The following PTPRN2 variants were observed in gnomAD, a reference collection of about 807,000 sequenced individuals.
The protein encoded by PTPRN2 is protein tyrosine phosphatase receptor type N2, also known as receptor-type tyrosine-protein phosphatase N2.
In PTPRN2, 74 loss-of-function variants were observed where a neutral mutation model predicts 118.8. That is an observed-to-expected ratio of 0.62 (90% CI 0.52 to 0.76). PTPRN2 has a LOEUF of 0.76. Among genes scored for constraint, PTPRN2 ranks in the 30% least tolerant of loss-of-function variants. PTPRN2 has a pLI of 0.00. For missense variants in PTPRN2, 1,481 were observed against 1,394.4 expected (o/e 1.06, Z -0.99); for synonymous variants, 641 against 608.0 (o/e 1.05, Z -0.80).
intron 6 of PTPRN2, among the ~76,000 whole-genome samples, chr7:158,145,366 T>A (rs576491221): frequency 9.2e-5 from 14 of 152,274 alleles, no homozygotes; most frequent in Admixed American, 7.8e-4. Flanking sequence ...AAGACTTCCC[T>A]CACATCATCG....
intron 12 of PTPRN2, among the ~76,000 whole-genome samples, chr7:157,829,227 T>C (rs970173388): frequency 6.6e-6 from 1 of 152,254 alleles, no homozygotes; most frequent in African/African-American, 2.4e-5. Flanking sequence ...TGAGGAGCTA[T>C]TTAAAGTCAA....
chr7:157,747,469 G>A (rs1457324131), intron 12 of PTPRN2, among the ~76,000 whole-genome samples: 1 of 119,488 alleles, frequency 8.4e-6, no homozygotes, highest in African/African-American at 3.6e-5. Flanking sequence ...TGAGCTGTGG[G>A]GTGTCCGCGT....
At chr7:158,444,260 G>A (rs1224082678) in intron 2 of PTPRN2, among the ~76,000 whole-genome samples, 2 of 152,264 alleles carry the variant, frequency 1.3e-5, no homozygotes, top group East Asian at 1.9e-4. Flanking sequence ...GAGAGGCCAG[G>A]CCACGCCAGT....
chr7:158,493,365 GCATA>G (rs1269443106), intron 1 of PTPRN2, among the ~76,000 whole-genome samples: 1 of 146,006 alleles, frequency 6.8e-6, no homozygotes, highest in Non-Finnish European at 1.5e-5. Flanking sequence ...ACACCTGCAT[GCATA>G]CACACATGCA....
intron 5 of PTPRN2, among the ~76,000 whole-genome samples, chr7:158,171,348 T>C (rs68128639): frequency 0.23 from 20,408 of 88,960 alleles, 2,975 homozygotes; most frequent in African/African-American, 0.31. Context: ...TATATATATA[T>C]ACACACACAC....
chr7:158,092,207 T>C (rs955180928), intron 10 of PTPRN2, among the ~76,000 whole-genome samples: 2 of 150,530 alleles, frequency 1.3e-5, no homozygotes, highest in Non-Finnish European at 3.0e-5. Context: ...TATGTGTGCA[T>C]ATATATATAT....
At chr7:158,314,685 C>CTA (rs1165889030) in intron 3 of PTPRN2, among the ~76,000 whole-genome samples, 2 of 152,292 alleles carry the variant, frequency 1.3e-5, no homozygotes, top group Non-Finnish European at 2.9e-5. Flanking sequence ...GCGTTTCTCT[C>CTA]AACCCGCAGT....
rs148611198 is a variant in PTPRN2, at chr7:157,585,916, G to A, written c.2497-7776C>T. On this transcript the variant is annotated intron_variant, in intron 17 of 22. Coordinates refer to ENST00000389418, the MANE Select transcript of PTPRN2 (RefSeq NM_002847.5). This position sits in a 1 kb window ranked among gnomAD's most constrained non-coding sequence, Gnocchi z 5.2. Reference sequence around the variant, plus strand: ...CCCATTTTAAATTCCGCATGTGTGCGGCGAGAGACTGACCGACCATCTTTG... The same window carrying A: ...CCCATTTTAAATTCCGCATGTGTGCAGCGAGAGACTGACCGACCATCTTTG... Among the ~76,000 whole-genome samples the A allele has an allele frequency of 8.1e-3, 1,227 of 152,296 alleles. 17 individuals carry two copies. The highest frequency in any genetic ancestry group is 0.028 in the African/African-American group (1,180 of 41,564).
chr7:158,326,459 T>C (rs1394326734), intron 2 of PTPRN2, among the ~76,000 whole-genome samples: 1 of 152,210 alleles, frequency 6.6e-6, no homozygotes, highest in Non-Finnish European at 1.5e-5. Flanking sequence ...TGTACACGTG[T>C]GCACAATACA....
chr7:158,304,376 A>G (rs1213004945), intron 3 of PTPRN2, among the ~76,000 whole-genome samples: 1 of 150,106 alleles, frequency 6.7e-6, no homozygotes, highest in African/African-American at 2.5e-5. Context: ...CATTCTAGGG[A>G]GGCATAAGAC....
chr7:157,751,275 A>G (rs1027628827), intron 12 of PTPRN2, among the ~76,000 whole-genome samples: 1 of 152,204 alleles, frequency 6.6e-6, no homozygotes, highest in Non-Finnish European at 1.5e-5. Context: ...GCTCAATTCC[A>G]GTTTGCGCGC....
At chr7:158,371,840 C>T (rs1034487359) in intron 2 of PTPRN2, among the ~76,000 whole-genome samples, 7 of 152,182 alleles carry the variant, frequency 4.6e-5, no homozygotes, top group South Asian at 2.1e-4. Flanking sequence ...AAACAGATAA[C>T]GTGACATGCT....
chr7:158,096,038 G>A (rs1814601943), intron 10 of PTPRN2, among the ~76,000 whole-genome samples: 1 of 152,200 alleles, frequency 6.6e-6, no homozygotes, highest in Admixed American at 6.5e-5. Flanking sequence ...AAAAGAATGG[G>A]TTCTTCTTGC....
At chr7:158,064,215 A>T (rs1563379107) in intron 11 of PTPRN2, among the ~76,000 whole-genome samples, 1 of 152,226 alleles carries the variant, frequency 6.6e-6, no homozygotes, top group African/African-American at 2.4e-5. Flanking sequence ...AGGCATCCCG[A>T]GCAAGTTGGG....
intron 6 of PTPRN2, among the ~76,000 whole-genome samples, chr7:158,145,972 T>C (rs564233360): frequency 6.6e-6 from 1 of 152,346 alleles, no homozygotes; most frequent in Middle Eastern, 3.4e-3. Context: ...AAGTGAGGCA[T>C]GGGCCCAGCA....
intron 14 of PTPRN2, among the ~76,000 whole-genome samples, chr7:157,641,097 C>G (rs781538869): frequency 9.2e-5 from 14 of 152,136 alleles, no homozygotes; most frequent in Non-Finnish European, 1.8e-4. Context: ...CTGTATGTGT[C>G]AGAGGGAGGT....
In PTPRN2 at chr7:157,876,364, G is replaced by A. The variant is rs190787929; in HGVS notation, c.1788+22309C>T. On this transcript the variant is annotated intron_variant, in intron 12 of 22. Transcript: ENST00000389418. ...ATGGAGAAGCCTGAATTAACCAGCA[G>A]CGGCCCCAGGACAGAGTCTGTCACC... Among the ~76,000 whole-genome samples the A allele has an allele frequency of 4.5e-3, 679 of 152,312 alleles. 1 individual carries two copies. The highest frequency in any genetic ancestry group is 0.01 in the Middle Eastern group (3 of 294).
chr7:158,049,119 A>C, intron 11 of PTPRN2, among the ~76,000 whole-genome samples: 1 of 120,378 alleles, frequency 8.3e-6, no homozygotes, highest in Non-Finnish European at 1.8e-5. Flanking sequence ...CGCCATCATC[A>C]GCATCACTAT....
rs750140096 is a variant in PTPRN2, at chr7:158,071,747, C to CGTGGTGG, written c.1723+9550_1723+9551insCCACCAC. ...AGGTGCTCGTGGTGGTGGAGGTGCT[C>CGTGGTGG]ATGGTGGAGGTGCTCGTGGTGATGG... On this transcript the variant is annotated intron_variant, in intron 11 of 22. Coordinates refer to ENST00000389418, the MANE Select transcript of PTPRN2 (RefSeq NM_002847.5). Among the ~76,000 whole-genome samples, 60 of 74,844 alleles carry CGTGGTGG rather than the reference C, an allele frequency of 8.0e-4. 3 individuals carry two copies. Among genetic ancestry groups the CGTGGTGG allele is most frequent in the African/African-American group, 6.1e-3 (58 of 9,574 alleles). 49.1% of individuals were successfully genotyped at this position (74,844 alleles called of 152,430 possible).
Sources: gnomAD v4.1 joint callset for allele counts (sites outside exome capture counted in the v4.1 genomes callset) on GRCh38, gnomAD v4.1.1 for gene constraint, Gnocchi (gnomAD v3.1) non-coding constraint, MANE v1.5 for transcripts, NCBI Gene and HGNC (gene_info 2026-07-23, HGNC 2026-07-21) for gene names.